ARHGEF3: variants seen among roughly 807,000 people sequenced by gnomAD.
The protein encoded by ARHGEF3 is Rho guanine nucleotide exchange factor 3, also known as 59.8 kDA protein.
In ARHGEF3, 28 loss-of-function variants were observed where a neutral mutation model predicts 63.2. The ratio of observed to expected loss-of-function variants is 0.44; its 90% CI spans 0.33 to 0.61. The LOEUF is 0.61. Ranked by LOEUF, ARHGEF3 falls within the 20% of genes least tolerant of loss-of-function variation. The pLI, the probability that ARHGEF3 is intolerant of heterozygous loss-of-function variation, is 0.03. For synonymous variants in ARHGEF3, 266 were observed against 254.2 expected (o/e 1.05, Z -0.44); for missense variants, 533 against 659.3 (o/e 0.81, Z 2.10).
At chr3:56,898,969 G>A (rs2041411301) in intron 3 of ARHGEF3, among the ~76,000 whole-genome samples, 1 of 152,212 alleles carries the variant, frequency 6.6e-6, no homozygotes, top group Non-Finnish European at 1.5e-5. Flanking sequence ...CAGGAGAATG[G>A]CATGAACCCA....
chr3:56,795,655 C>CTCTT (rs57400467), intron 1 of ARHGEF3, among the ~76,000 whole-genome samples: 26 of 130,544 alleles, frequency 2.0e-4, no homozygotes, highest in Admixed American at 1.7e-3. Context: ...GTCTCTCTCT[C>CTCTT]TTTTTTTTTT....
At chr3:56,964,716 G>A (rs1700418645) in intron 2 of ARHGEF3, among the ~76,000 whole-genome samples, 2 of 151,932 alleles carry the variant, frequency 1.3e-5, no homozygotes, top group Admixed American at 1.3e-4. Flanking sequence ...AGTGCCGCAG[G>A]GTCTCGACCA....
intron 4 of ARHGEF3, among the ~76,000 whole-genome samples, chr3:56,871,704 T>C (rs1288559609): frequency 6.6e-6 from 1 of 152,182 alleles, no homozygotes; most frequent in African/African-American, 2.4e-5. Flanking sequence ...AAATGTAATA[T>C]AATAGAAAAG....
At chr3:57,074,846 C>G (rs1159880544) in intron 1 of ARHGEF3, 2 of 168,408 alleles carry the variant, frequency 1.2e-5, no homozygotes. Flanking sequence ...AGTTTCAGAA[C>G]ACATTGCTCA....
At chr3:57,056,384 CAAAAAAAAAAA>C (rs10666149) in intron 1 of ARHGEF3, among the ~76,000 whole-genome samples, 1 of 108,352 alleles carries the variant, frequency 9.2e-6, no homozygotes, top group Non-Finnish European at 1.8e-5. Context: ...AAGACTCCAT[CAAAAAAAAAAA>C]AAAAAAAAGA....
intron 2 of ARHGEF3, among the ~76,000 whole-genome samples, chr3:57,002,617 G>A (rs1260552799): frequency 1.4e-5 from 2 of 144,944 alleles, no homozygotes; most frequent in Non-Finnish European, 3.0e-5. Context: ...TGAGTTCAGG[G>A]GTACATGTGG....
At chr3:56,939,069 G>A (rs1254833115) in intron 3 of ARHGEF3, among the ~76,000 whole-genome samples, 3 of 152,062 alleles carry the variant, frequency 2.0e-5, no homozygotes, top group South Asian at 2.1e-4. Context: ...GGTGGTATTC[G>A]AGCCACAATC....
intron 2 of ARHGEF3, among the ~76,000 whole-genome samples, chr3:56,994,796 CTG>C (rs201717702): frequency 0.011 from 1,603 of 152,254 alleles, 27 homozygotes; most frequent in Non-Finnish European, 0.012. Context: ...TGGTTTGGAT[CTG>C]TGTCTCTGAA....
chr3:56,752,156 C>A (rs907870228), intron 4 of ARHGEF3, among the ~76,000 whole-genome samples: 3 of 151,628 alleles, frequency 2.0e-5, no homozygotes, highest in Admixed American at 6.6e-5. Flanking sequence ...CTCTTGACCT[C>A]GTGATCTGCC....
chr3:56,862,700 G>A (rs1166230844), intron 4 of ARHGEF3, among the ~76,000 whole-genome samples: 1 of 152,132 alleles, frequency 6.6e-6, no homozygotes, highest in Non-Finnish European at 1.5e-5. Flanking sequence ...TAAGGTCAAT[G>A]AAAATGCTAT....
rs112008016 is a variant in ARHGEF3 at position 56,957,587 on chromosome 3, A to G, written c.129+1236T>C. Reference sequence around the variant, plus strand: ...TACACTCTTCATGCCTGAGTCTTCCAATCTTAAATTTCAGTAAGGACTAAG... The same window carrying G: ...TACACTCTTCATGCCTGAGTCTTCCGATCTTAAATTTCAGTAAGGACTAAG... On this transcript the variant is annotated intron_variant, in intron 3 of 12. Transcript: ENST00000338458. Among the ~76,000 whole-genome samples, 4 of 152,224 alleles carry G rather than the reference A, an allele frequency of 2.6e-5. No individual in the cohort carries two copies. The East Asian group carries it at 5.8e-4, about 22-fold the overall frequency.
intron 2 of ARHGEF3, among the ~76,000 whole-genome samples, chr3:56,976,187 G>A (rs758645941): frequency 3.4e-4 from 51 of 151,922 alleles, no homozygotes; most frequent in Non-Finnish European, 5.4e-4. Context: ...GATTACAGGC[G>A]ACCACCACCA....
chr3:56,979,874 C>G (rs936516357), intron 2 of ARHGEF3, among the ~76,000 whole-genome samples: 2 of 152,112 alleles, frequency 1.3e-5, no homozygotes, highest in African/African-American at 4.8e-5. Context: ...ATTTCCTGAC[C>G]TATAGGAAGC....
At chr3:57,011,031 T>C (rs1415107742) in intron 2 of ARHGEF3, among the ~76,000 whole-genome samples, 1 of 151,946 alleles carries the variant, frequency 6.6e-6, no homozygotes, top group Non-Finnish European at 1.5e-5. Context: ...AAAGTAGACT[T>C]TAGTATGAGG....
intron 1 of ARHGEF3, chr3:56,775,594 A>C: frequency 1.0e-6 from 1 of 985,930 alleles, no homozygotes; most frequent in Non-Finnish European, 1.2e-6. Context: ...GAATCTCCCA[A>C]GATGAAAGCC....
intron 2 of ARHGEF3, among the ~76,000 whole-genome samples, chr3:56,764,251 G>C (rs1448709080): frequency 1.3e-5 from 2 of 152,132 alleles, no homozygotes; most frequent in Admixed American, 1.3e-4. Flanking sequence ...AAATTAGGAA[G>C]GCTTCCAGAG....
chr3:56,975,182 C>A (rs1225368739), intron 2 of ARHGEF3, among the ~76,000 whole-genome samples: 5 of 152,138 alleles, frequency 3.3e-5, no homozygotes, highest in Non-Finnish European at 7.3e-5. Flanking sequence ...CTCTGGGAGG[C>A]CGAGGCAGGC....
Position 56,751,415 on chromosome 3 carries a change from A to T in ARHGEF3, c.439-19T>A, listed in dbSNP as rs746574512. On this transcript the variant is annotated intron_variant, in intron 4 of 9. Coordinates refer to ENST00000296315, the MANE Select transcript of ARHGEF3 (RefSeq NM_019555.3). ...GATAGGCCTGCACAAAAACGGCAAGAGATGGAAGCACATGTTTAAAATCAG... is the reference window on the plus strand; with the variant it reads ...GATAGGCCTGCACAAAAACGGCAAGTGATGGAAGCACATGTTTAAAATCAG... 1.4e-5 allele frequency: 22 copies of T among 1,587,996 alleles called. No individual in the cohort carries two copies. In the East Asian group the frequency reaches 4.9e-4, roughly 36 times the overall value.
intron 7 of ARHGEF3, among the ~76,000 whole-genome samples, chr3:56,739,639 A>G (rs1420265244): frequency 6.6e-6 from 1 of 152,114 alleles, no homozygotes; most frequent in Non-Finnish European, 1.5e-5. Flanking sequence ...GACTCAAGCG[A>G]TCTGCCTGCC....
Sources: allele counts gnomAD v4.1 joint callset (sites outside exome capture counted in the v4.1 genomes callset), GRCh38; gene constraint gnomAD v4.1.1; transcripts MANE v1.5; gene names NCBI Gene and HGNC (gene_info 2026-07-23, HGNC 2026-07-21).